DLC1: variants seen among roughly 807,000 people sequenced by gnomAD.
DLC1 encodes the protein DLC1 Rho GTPase activating protein, also known as rho GTPase-activating protein 7.
In DLC1, 54 loss-of-function variants were observed where a neutral mutation model predicts 140.3. The observed-to-expected ratio is 0.38, with a 90% CI of 0.31 to 0.48. DLC1 has a LOEUF of 0.48. DLC1 is among the 20% of genes least tolerant of loss of function. The pLI, the probability that DLC1 is intolerant of heterozygous loss-of-function variation, is 0.96. For synonymous variants in DLC1, 986 were observed against 728.1 expected, an observed-to-expected ratio of 1.35 and a Z score of -5.70; for missense variants, 2,536 against 1,907.0, an observed-to-expected ratio of 1.33 and a Z score of -6.14.
intron 1 of DLC1, among the ~76,000 whole-genome samples, chr8:13,595,054 C>A (rs1051116848): frequency 1.3e-5 from 2 of 151,686 alleles, no homozygotes; most frequent in Non-Finnish European, 2.9e-5. Context: ...GATCACACAC[C>A]GCAGTTTTCT....
At chr8:13,414,536 T>C (rs906015212) in intron 2 of DLC1, among the ~76,000 whole-genome samples, 1 of 152,202 alleles carries the variant, frequency 6.6e-6, no homozygotes, top group Non-Finnish European at 1.5e-5. Context: ...ATATTTGCAC[T>C]GTTTCTTTTA....
At chr8:13,108,086 C>T (rs1448974605) in intron 7 of DLC1, among the ~76,000 whole-genome samples, 5 of 152,032 alleles carry the variant, frequency 3.3e-5, no homozygotes, top group Admixed American at 6.6e-5. Context: ...GCTTGAAATA[C>T]ACCCGATAGA....
chr8:13,147,250 C>G (rs537771276), intron 5 of DLC1, among the ~76,000 whole-genome samples: 2 of 152,140 alleles, frequency 1.3e-5, no homozygotes, highest in African/African-American at 4.8e-5. Flanking sequence ...AAACTCTGAC[C>G]TAAATAAATC....
chr8:13,322,878 C>T lies in DLC1; in HGVS notation c.1315-17576G>A, dbSNP rs182392272. 1.4e-3 allele frequency among the ~76,000 whole-genome samples: 207 copies of T among 152,046 alleles called. 1 individual carries two copies. Among genetic ancestry groups the T allele is most frequent in the South Asian group, 3.7e-3 (18 of 4,820 alleles). Reference sequence around the variant, plus strand: ...ATAGACTGGCAGAAGTGATGGTATGCGACTTCTGACTCTATTCCATAAGGC... The same window carrying T: ...ATAGACTGGCAGAAGTGATGGTATGTGACTTCTGACTCTATTCCATAAGGC... On this transcript the variant is annotated intron_variant, in intron 4 of 17. Coordinates refer to ENST00000276297, the MANE Select transcript of DLC1 (RefSeq NM_182643.3).
At chr8:13,363,368 A>G (rs558699367) in intron 4 of DLC1, among the ~76,000 whole-genome samples, 33 of 102,146 alleles carry the variant, frequency 3.2e-4, no homozygotes, top group Non-Finnish European at 3.2e-4. Flanking sequence ...AAGCATTTGC[A>G]GTGTTTTTTT....
At chr8:13,427,578 C>G (rs977164) in intron 2 of DLC1, among the ~76,000 whole-genome samples, 2,489 of 152,304 alleles carry the variant, frequency 0.016, 75 homozygotes, top group African/African-American at 0.056. Context: ...TCTTCCTCCT[C>G]TACCTCGAAA....
intron 4 of DLC1, among the ~76,000 whole-genome samples, chr8:13,327,817 G>C (rs181865093): frequency 9.2e-5 from 14 of 152,276 alleles, no homozygotes; most frequent in African/African-American, 2.6e-4. Flanking sequence ...ATAATTAAAT[G>C]AATGGCCATT....
intron 5 of DLC1, among the ~76,000 whole-genome samples, chr8:13,151,351 C>T (rs754179955): frequency 6.6e-6 from 1 of 152,142 alleles, no homozygotes; most frequent in African/African-American, 2.4e-5. Context: ...GTCCCCACAA[C>T]AATCTTATGA....
intron 4 of DLC1, among the ~76,000 whole-genome samples, chr8:13,385,904 A>C (rs539867148): frequency 3.2e-4 from 48 of 152,324 alleles, no homozygotes; most frequent in African/African-American, 1.1e-3. Flanking sequence ...TTTAATATGT[A>C]ATTAGAGCTT....
At chr8:13,108,093 T>C (rs1585643844) in intron 7 of DLC1, among the ~76,000 whole-genome samples, 3 of 152,222 alleles carry the variant, frequency 2.0e-5, no homozygotes, top group East Asian at 3.9e-4. Context: ...ATACACCCGA[T>C]AGAGGTCCCT....
At position 13,085,839 on chromosome 8, in the gene DLC1, G is replaced by T; in HGVS notation, c.4559C>A (p.Thr1520Asn). 2 of 1,614,186 alleles carry T rather than the reference G, an allele frequency of 1.2e-6. No individual in the cohort carries two copies. Among genetic ancestry groups the T allele is most frequent in the Non-Finnish European group, 1.7e-6 (2 of 1,180,028 alleles). ...KIRDSFSNQN[T>N]ETKDTKSR is the part of the protein sequence containing the mutation. ...CCTAGATTTGGTGTCTTTGGTTTCAGTGTTCTGGTTACTGAAGGAATCCCG... is the reference window on the plus strand; with the variant it reads ...CCTAGATTTGGTGTCTTTGGTTTCATTGTTCTGGTTACTGAAGGAATCCCG... Residue 1520 changes from threonine (T) to asparagine (N), a missense_variant, in exon 18 of 18, where the codon ACT becomes AAT. Physicochemically the swap from Thr to Asn is moderately conservative, Grantham distance 65. Transcript: ENST00000276297.
At chr8:13,468,263 T>C (rs1197036948) in intron 2 of DLC1, among the ~76,000 whole-genome samples, 1 of 151,906 alleles carries the variant, frequency 6.6e-6, no homozygotes, top group Non-Finnish European at 1.5e-5. Flanking sequence ...CGTATTCTCT[T>C]ACCTTCTTAA....
chr8:13,479,399 G>C (rs772877481), intron 2 of DLC1, among the ~76,000 whole-genome samples: 3 of 152,226 alleles, frequency 2.0e-5, no homozygotes, highest in Non-Finnish European at 4.4e-5. Flanking sequence ...TGGAAGTTAA[G>C]AGACATAGAT....
chr8:13,120,168 C>T (rs1410584041), intron 5 of DLC1, among the ~76,000 whole-genome samples: 1 of 150,630 alleles, frequency 6.6e-6, no homozygotes. Flanking sequence ...CACGGTGAAA[C>T]CCCGTCCCTA....
At chr8:13,205,585 A>G (rs1323816773) in intron 5 of DLC1, among the ~76,000 whole-genome samples, 1 of 152,110 alleles carries the variant, frequency 6.6e-6, no homozygotes, top group Non-Finnish European at 1.5e-5. Flanking sequence ...CATAAAATAG[A>G]CTAACACTAA....
chr8:13,223,281 C>T (rs544438355), intron 5 of DLC1, among the ~76,000 whole-genome samples: 166 of 152,166 alleles, frequency 1.1e-3, no homozygotes, highest in Non-Finnish European at 1.8e-3. Flanking sequence ...ACTAGAACAA[C>T]CCCGCCCCCA....
At chr8:13,387,008 A>G (rs959841439) in intron 4 of DLC1, among the ~76,000 whole-genome samples, 1 of 152,068 alleles carries the variant, frequency 6.6e-6, no homozygotes, top group African/African-American at 2.4e-5. Flanking sequence ...TTCTAAGACT[A>G]TTACATTTGT....
At chr8:13,202,380 G>A (rs1019541761) in intron 5 of DLC1, among the ~76,000 whole-genome samples, 1 of 152,118 alleles carries the variant, frequency 6.6e-6, no homozygotes, top group African/African-American at 2.4e-5. Context: ...TCAGATAATT[G>A]ACATATCCAT....
intron 5 of DLC1, among the ~76,000 whole-genome samples, chr8:13,189,030 A>C (rs895440014): frequency 1.3e-5 from 2 of 151,614 alleles, no homozygotes; most frequent in East Asian, 3.9e-4. Context: ...CCTATGGACC[A>C]AGCCTTTTCT....
Sources: gnomAD v4.1 joint callset for allele counts (sites outside exome capture counted in the v4.1 genomes callset) on GRCh38, gnomAD v4.1.1 for gene constraint, MANE v1.5 for transcripts, NCBI Gene and HGNC (gene_info 2026-07-23, HGNC 2026-07-21) for gene names.